Variants in PDLIM5 observed in about 807,000 individuals in gnomAD.
The protein encoded by PDLIM5 is PDZ and LIM domain protein 5.
Under a neutral mutation model 64.2 loss-of-function variants are expected in PDLIM5, and 34 were observed. The observed-to-expected ratio is 0.53, with a 90% CI of 0.40 to 0.71. PDLIM5 has a LOEUF of 0.71. Ranked by LOEUF, PDLIM5 falls within the 30% of genes least tolerant of loss-of-function variation. The pLI, the probability that PDLIM5 is intolerant of heterozygous loss-of-function variation, is 0.00. For synonymous variants in PDLIM5, 253 were observed against 269.1 expected, an observed-to-expected ratio of 0.94 and a Z score of 0.59; for missense variants, 683 against 733.6, an observed-to-expected ratio of 0.93 and a Z score of 0.80.
At chr4:94,614,493 A>T (rs1331836707) in intron 7 of PDLIM5, among the ~76,000 whole-genome samples, 1 of 152,102 alleles carries the variant, frequency 6.6e-6, no homozygotes, top group Non-Finnish European at 1.5e-5. Context: ...TTTTTAGGGG[A>T]TTGGGCATCA....
chr4:94,495,108 G>A (rs1727261522), intron 2 of PDLIM5, among the ~76,000 whole-genome samples: 1 of 152,108 alleles, frequency 6.6e-6, no homozygotes, highest in South Asian at 2.1e-4. Flanking sequence ...ACATATAATA[G>A]TGGTTCTCCT....
chr4:94,514,133 CTTT>C (rs34757067), intron 2 of PDLIM5, among the ~76,000 whole-genome samples: 35 of 115,140 alleles, frequency 3.0e-4, no homozygotes, highest in East Asian at 4.6e-4. Flanking sequence ...CTAGTATTTT[CTTT>C]TTTTTTTTTT....
chr4:94,455,864 G>C, intron 2 of PDLIM5: 1 of 1,380,692 alleles, frequency 7.2e-7, no homozygotes, highest in Non-Finnish European at 9.9e-7. Flanking sequence ...ATGGCCAAAA[G>C]CTACTTACCC....
intron 3 of PDLIM5, among the ~76,000 whole-genome samples, chr4:94,526,563 G>A (rs942338760): frequency 7.2e-5 from 11 of 152,138 alleles, no homozygotes; most frequent in African/African-American, 1.4e-4. Context: ...AACAAAATTC[G>A]TAGTATAACA....
chr4:94,571,589 ATC>A (rs1734805125), intron 3 of PDLIM5, among the ~76,000 whole-genome samples: 1 of 152,200 alleles, frequency 6.6e-6, no homozygotes, highest in African/African-American at 2.4e-5. Context: ...TTCAAAGGGG[ATC>A]TGTTATCCCA....
intron 2 of PDLIM5, among the ~76,000 whole-genome samples, chr4:94,460,633 GAAAAA>G (rs1310274779): frequency 7.5e-6 from 1 of 132,696 alleles, no homozygotes; most frequent in African/African-American, 2.8e-5. Flanking sequence ...AAAAAAAAAA[GAAAAA>G]AAAAAAGGTA....
chr4:94,546,971 GA>G (rs202063845), intron 3 of PDLIM5, among the ~76,000 whole-genome samples: 12 of 149,792 alleles, frequency 8.0e-5, no homozygotes, highest in African/African-American at 2.5e-4. Flanking sequence ...AGGGCTTAAG[GA>G]AAAAAAAATA....
At chr4:94,551,066 A>T (rs1026787446) in intron 3 of PDLIM5, among the ~76,000 whole-genome samples, 1 of 152,146 alleles carries the variant, frequency 6.6e-6, no homozygotes, top group Admixed American at 6.5e-5. Context: ...ACAAGATGAA[A>T]GGATACCCAA....
chr4:94,523,149 G>A (rs1315943966), intron 2 of PDLIM5, among the ~76,000 whole-genome samples: 3 of 152,130 alleles, frequency 2.0e-5, no homozygotes, highest in African/African-American at 7.2e-5. Context: ...TTTCCCTTCT[G>A]CAAATGCCTA....
chr4:94,452,833 G>A (rs1722985577), intron 1 of PDLIM5, among the ~76,000 whole-genome samples: 1 of 152,102 alleles, frequency 6.6e-6, no homozygotes, highest in Non-Finnish European at 1.5e-5. Flanking sequence ...CGGCCCGTTC[G>A]GTAGCCTTAT....
At chr4:94,496,076 A>G (rs569626339) in intron 2 of PDLIM5, among the ~76,000 whole-genome samples, 1 of 152,060 alleles carries the variant, frequency 6.6e-6, no homozygotes, top group East Asian at 1.9e-4. Context: ...AAACCAAAAA[A>G]CAAGGTTTGG....
chr4:94,516,508 G>GTCTCTC (rs3838638), intron 2 of PDLIM5, among the ~76,000 whole-genome samples: 1 of 149,840 alleles, frequency 6.7e-6, no homozygotes, highest in Non-Finnish European at 1.5e-5. Flanking sequence ...ATCCAAAGCA[G>GTCTCTC]TCTCTCTCTC....
chr4:94,505,055 A>G lies in PDLIM5; in HGVS notation c.97-18669A>G, dbSNP rs368540792. Among the ~76,000 whole-genome samples, 6 of 152,206 alleles carry G rather than the reference A, an allele frequency of 3.9e-5. No individual in the cohort carries two copies. The East Asian group carries it at 7.7e-4, about 20-fold the overall frequency. ...GGGATAAAACCAAAGTGTTTTTCCT[A>G]TTTTCACACCATTCAGCACAACACT... On this transcript the variant is annotated intron_variant, in intron 2 of 12. Coordinates refer to ENST00000317968, the MANE Select transcript of PDLIM5 (RefSeq NM_006457.5).
rs542459388 is a variant in PDLIM5 at position 94,588,701 on chromosome 4, A to G, written c.920+2257A>G. Among the ~76,000 whole-genome samples, 24 of 152,340 alleles carry G rather than the reference A, an allele frequency of 1.6e-4. No homozygotes were observed. In the East Asian group the frequency reaches 4.2e-3, roughly 27 times the overall value. On this transcript the variant is annotated intron_variant, in intron 7 of 12. Coordinates refer to ENST00000317968, the MANE Select transcript of PDLIM5 (RefSeq NM_006457.5). ...CATAAAATCAGTTGACTATTGTGCAACATAGAATTATTGTTTGTGTGAAAT... is the reference window on the plus strand; with the variant it reads ...CATAAAATCAGTTGACTATTGTGCAGCATAGAATTATTGTTTGTGTGAAAT...
At chr4:94,608,631 G>T (rs1738119102) in intron 7 of PDLIM5, among the ~76,000 whole-genome samples, 1 of 152,146 alleles carries the variant, frequency 6.6e-6, no homozygotes, top group African/African-American at 2.4e-5. Flanking sequence ...TATGATGAAA[G>T]AAATTCATTA....
chr4:94,655,363 G>A (rs1400067340), intron 10 of PDLIM5, among the ~76,000 whole-genome samples: 1 of 152,098 alleles, frequency 6.6e-6, no homozygotes, highest in Non-Finnish European at 1.5e-5. Flanking sequence ...TTCAGAAGAA[G>A]CCAGAGTACC....
intron 8 of PDLIM5, among the ~76,000 whole-genome samples, chr4:94,640,018 A>G (rs1411712338): frequency 6.6e-6 from 1 of 151,560 alleles, no homozygotes; most frequent in African/African-American, 2.4e-5. Context: ...CAAGAGCGAA[A>G]CTCTGTCTTA....
At chr4:94,480,284 C>A (rs1725738796) in intron 2 of PDLIM5, among the ~76,000 whole-genome samples, 1 of 152,104 alleles carries the variant, frequency 6.6e-6, no homozygotes, top group African/African-American at 2.4e-5. Flanking sequence ...TGAAACTTAC[C>A]ATTAAGGTCT....
Position 94,575,982 on chromosome 4 carries a change from C to T in PDLIM5, c.658C>T (p.Leu220=). Residue 220 remains leucine (L), a synonymous_variant, in exon 5 of 13, where the codon CTA becomes TTA. Transcript: ENST00000317968. ...TSVCSETSQE[L]AEGQRRGSQG... is the part of the protein sequence containing the mutation. Reference sequence around the variant, plus strand: ...CGTGTGTTCCGAGACTTCTCAGGAGCTAGCAGAGGGACAGAGAAGAGGATC... The same window carrying T: ...CGTGTGTTCCGAGACTTCTCAGGAGTTAGCAGAGGGACAGAGAAGAGGATC... 1 of 1,614,122 alleles carries T rather than the reference C, an allele frequency of 6.2e-7. No individual in the cohort carries two copies. The highest frequency in any genetic ancestry group is 1.3e-5 in the African/African-American group (1 of 75,036).
Sources: gnomAD v4.1 joint callset for allele counts (sites outside exome capture counted in the v4.1 genomes callset) on GRCh38, gnomAD v4.1.1 for gene constraint, MANE v1.5 for transcripts, NCBI Gene and HGNC (gene_info 2026-07-23, HGNC 2026-07-21) for gene names.